The following KIAA1217 variants were observed in gnomAD, a reference collection of about 807,000 sequenced individuals.
KIAA1217 encodes the protein sickle tail protein homolog.
In KIAA1217, 88 loss-of-function variants were observed where a neutral mutation model predicts 163.9. The observed-to-expected ratio is 0.54, with a 90% CI of 0.45 to 0.64. The LOEUF (loss-of-function observed/expected upper bound fraction) is 0.64, where lower values mean the gene tolerates loss of function less well. KIAA1217 is among the 30% of genes least tolerant of loss of function. KIAA1217 has a pLI of 0.00. For missense variants in KIAA1217, 2,372 were observed against 2,475.0 expected (o/e 0.96, Z 0.88); for synonymous variants, 903 against 923.1 (o/e 0.98, Z 0.39).
chr10:24,299,806 G>C (rs1195889038), intron 2 of KIAA1217, among the ~76,000 whole-genome samples: 2 of 152,092 alleles, frequency 1.3e-5, no homozygotes, highest in African/African-American at 4.8e-5. Context: ...GTCCTCTGTG[G>C]GTTCAGCCTG....
At chr10:23,700,340 C>T (rs1232423493) in intron 1 of KIAA1217, among the ~76,000 whole-genome samples, 1 of 152,086 alleles carries the variant, frequency 6.6e-6, no homozygotes, top group Non-Finnish European at 1.5e-5. Flanking sequence ...CAGTCATATC[C>T]CTGAATTATT....
rs1320841745 is a variant in KIAA1217 at position 24,209,200 on chromosome 10, G to C, written c.7G>C (p.Glu3Gln). The change falls in exon 1 of 21, where the codon GAA becomes CAA. Residue 3 changes from glutamate (E) to glutamine (Q), a missense_variant. This residue lies in a region of KIAA1217 where 1,431 missense variants were observed against 1,470.3 expected (regional missense o/e 0.97). Coordinates refer to ENST00000376454, the MANE Select transcript of KIAA1217 (RefSeq NM_019590.5). ME[E>Q]NESQKCEPCL... ...TTTGCGGCAGGCAGAGACAATGGAA[G>C]AAAATGAAAGCCAGAAATGTGAGCC... The C allele has an allele frequency of 1.2e-6, 2 of 1,613,740 alleles. No individual in the cohort carries two copies. Among genetic ancestry groups the C allele is most frequent in the Non-Finnish European group, 1.7e-6 (2 of 1,179,904 alleles).
intron 1 of KIAA1217, among the ~76,000 whole-genome samples, chr10:23,737,030 T>A (rs1386989423): frequency 6.6e-6 from 1 of 152,212 alleles, no homozygotes; most frequent in Admixed American, 6.5e-5. Context: ...TTTACAAAAT[T>A]GGGTGTTCTG....
In KIAA1217 at chr10:24,474,059, A is replaced by G; in HGVS notation, c.1678A>G (p.Arg560Gly). The change falls in exon 6 of 21, where the codon AGA (arginine) becomes GGA (glycine). Residue 560 changes from arginine to glycine, a missense_variant and splice_region_variant. Arg to Gly is a moderately radical substitution (Grantham distance 125). Coordinates refer to ENST00000376454, the MANE Select transcript of KIAA1217 (RefSeq NM_019590.5). ...GACAATACCCAAAGACAGAGAGACC[A>G]GGTAAGGTGCAGTGAGGGTGACCGA... ...TATIPKDRET[R>G]ERMQAMEKQI... The G allele has an allele frequency of 1.3e-6, 2 of 1,597,350 alleles. No homozygotes were observed. The highest frequency in any genetic ancestry group is 1.7e-6 in the Non-Finnish European group (2 of 1,171,060).
intron 2 of KIAA1217, among the ~76,000 whole-genome samples, chr10:24,327,665 A>G (rs573127348): frequency 6.6e-6 from 1 of 152,058 alleles, no homozygotes; most frequent in Non-Finnish European, 1.5e-5. Context: ...TTTTGTAGAG[A>G]TGGAGTCTCC....
At chr10:24,356,869 A>G (rs566519236) in intron 2 of KIAA1217, among the ~76,000 whole-genome samples, 4 of 152,374 alleles carry the variant, frequency 2.6e-5, no homozygotes, top group Non-Finnish European at 2.9e-5. Context: ...TTATAGCAAC[A>G]TGATACGGAC....
chr10:24,202,454 A>G (rs1000735952), intron 2 of KIAA1217, among the ~76,000 whole-genome samples: 5 of 152,114 alleles, frequency 3.3e-5, no homozygotes, highest in Non-Finnish European at 7.4e-5. Context: ...CACCAGTCAC[A>G]GGCTTCTCCT....
intron 2 of KIAA1217, among the ~76,000 whole-genome samples, chr10:24,355,802 A>G (rs1321558997): frequency 3.5e-5 from 4 of 115,238 alleles, no homozygotes; most frequent in Non-Finnish European, 6.5e-5. Context: ...AGGCTGGAGT[A>G]CAGTGGCCCG....
chr10:24,057,917 T>C (rs550983701), intron 2 of KIAA1217, among the ~76,000 whole-genome samples: 15 of 152,218 alleles, frequency 9.9e-5, no homozygotes, highest in Non-Finnish European at 1.9e-4. Flanking sequence ...GTAGTCCCAC[T>C]TGTCTATTTT....
At chr10:24,030,809 C>T (rs1848156929) in intron 2 of KIAA1217, among the ~76,000 whole-genome samples, 1 of 152,152 alleles carries the variant, frequency 6.6e-6, no homozygotes, top group South Asian at 2.1e-4. Flanking sequence ...AGTATAATGT[C>T]CTCAAGGTTC....
At chr10:24,149,575 GA>G (rs544291256) in intron 2 of KIAA1217, among the ~76,000 whole-genome samples, 31 of 147,864 alleles carry the variant, frequency 2.1e-4, no homozygotes, top group African/African-American at 7.0e-4. Flanking sequence ...CTAGAAATAA[GA>G]AAAAAAAATA....
chr10:23,789,968 CATAT>C (rs1835673300), intron 1 of KIAA1217, among the ~76,000 whole-genome samples: 1 of 92,926 alleles, frequency 1.1e-5, no homozygotes, highest in Non-Finnish European at 2.2e-5. Flanking sequence ...TACACATATA[CATAT>C]ACATATATAC....
chr10:24,028,344 C>A lies in KIAA1217; in HGVS notation c.-171+20970C>A, dbSNP rs531018688. ...CATTATAATATATTCATGCCATGCACAACCATAAAAAGTGAAAATGAATTA... is the reference window on the plus strand; with the variant it reads ...CATTATAATATATTCATGCCATGCAAAACCATAAAAAGTGAAAATGAATTA... On this transcript the variant is annotated intron_variant, in intron 2 of 18. Coordinates refer to the KIAA1217 transcript ENST00000376462. Among the ~76,000 whole-genome samples the A allele has an allele frequency of 1.9e-4, 29 of 152,082 alleles. 1 individual carries two copies. In the South Asian group the frequency reaches 5.8e-3, roughly 30 times the overall value.
chr10:24,296,478 C>G (rs895611283), intron 2 of KIAA1217, among the ~76,000 whole-genome samples: 1 of 152,156 alleles, frequency 6.6e-6, no homozygotes, highest in Non-Finnish European at 1.5e-5. Context: ...TGGCTTTGTA[C>G]ATTGCACAGA....
intron 2 of KIAA1217, among the ~76,000 whole-genome samples, chr10:24,307,991 T>C (rs1049031514): frequency 1.3e-5 from 2 of 152,142 alleles, no homozygotes; most frequent in Non-Finnish European, 1.5e-5. Flanking sequence ...GCTTTTGATT[T>C]CTGGAGCCAC....
chr10:23,829,445 T>A (rs143637563), intron 1 of KIAA1217, among the ~76,000 whole-genome samples: 1 of 152,294 alleles, frequency 6.6e-6, no homozygotes, highest in South Asian at 2.1e-4. Context: ...AGTTCAAATA[T>A]ACAAAAGGAG....
intron 1 of KIAA1217, among the ~76,000 whole-genome samples, chr10:23,918,727 A>AATATAT (rs147936789): frequency 5.3e-3 from 771 of 146,024 alleles, no homozygotes; most frequent in Non-Finnish European, 7.3e-3. Context: ...TTAAGAATTA[A>AATATAT]ATATATACAC....
intron 1 of KIAA1217, among the ~76,000 whole-genome samples, chr10:23,817,018 C>A (rs1358765739): frequency 6.6e-6 from 1 of 152,216 alleles, no homozygotes; most frequent in Non-Finnish European, 1.5e-5. Context: ...ATATGTATTG[C>A]AGAAGTACTT....
intron 2 of KIAA1217, among the ~76,000 whole-genome samples, chr10:24,140,684 T>C (rs1409144599): frequency 1.3e-5 from 2 of 152,210 alleles, no homozygotes; most frequent in Non-Finnish European, 2.9e-5. Flanking sequence ...AATTTTCCAT[T>C]TAATATTTTT....
Sources: gnomAD v4.1 joint callset for allele counts (sites outside exome capture counted in the v4.1 genomes callset) on GRCh38, gnomAD v4.1.1 for gene constraint, gnomAD v4.1.1 regional missense constraint, MANE v1.5 for transcripts, NCBI Gene and HGNC (gene_info 2026-07-23, HGNC 2026-07-21) for gene names.